NRAP: variants seen among roughly 807,000 people sequenced by gnomAD.
The protein encoded by NRAP is nebulin-related-anchoring protein.
A neutral mutation model predicts 225.9 loss-of-function variants in NRAP; 189 were observed. That is an observed-to-expected ratio of 0.84 (90% confidence interval 0.74 to 0.94). NRAP has a LOEUF of 0.94. NRAP is among the 40% of genes least tolerant of loss of function. The pLI is 0.00. For synonymous variants in NRAP, 769 were observed against 790.7 expected (o/e 0.97, Z 0.46); for missense variants, 2,176 against 2,168.7 (o/e 1.00, Z -0.07).
In NRAP at chr10:113,598,081, G is replaced by A; in HGVS notation, c.4228-8C>T. The stretch of plus-strand genomic sequence containing the variant: ...GTCTGACTTGTAGCGCAACTGCAGG[G>A]AAAAAAATCATGGGCTTTATCAGGA... On this transcript the variant is annotated splice_region_variant and splice_polypyrimidine_tract_variant and intron_variant, in intron 35 of 41. Coordinates refer to ENST00000359988, the MANE Select transcript of NRAP (RefSeq NM_198060.4). 6.3e-6 allele frequency: 10 copies of A among 1,593,764 alleles called. No individual in the cohort carries two copies. The highest frequency in any genetic ancestry group is 8.6e-6 in the Non-Finnish European group (10 of 1,161,920).
chr10:113,614,359 G>T, intron 28 of NRAP, 63 bp from the exon 29 acceptor site: 1 of 1,122,958 alleles, frequency 8.9e-7, no homozygotes, highest in Non-Finnish European at 1.4e-6. Context: ...AATGGAAGAG[G>T]TGGGCATTGG....
At chr10:113,623,692 T>A in intron 22 of NRAP, 56 bp from the exon 23 acceptor site, 1 of 1,103,868 alleles carries the variant, frequency 9.1e-7, no homozygotes, top group South Asian at 1.3e-5. Context: ...GGTTCTCACG[T>A]GAGAGCATTT....
Position 113,610,369 on chromosome 10 carries a change from AAAAAG to A in NRAP, c.3603+85_3603+89del. On this transcript the variant is annotated intron_variant, in intron 31 of 41. Coordinates refer to ENST00000359988, the MANE Select transcript of NRAP (RefSeq NM_198060.4). The stretch of plus-strand genomic sequence containing the variant: ...CATCTCAAATTAAAAAAAAAAAAAA[AAAAAG>A]GAAGAAAGAAAAAGGAAAGAAACAA... 3 of 692,734 alleles carry A rather than the reference AAAAAG, an allele frequency of 4.3e-6. No individual in the cohort carries two copies. The South Asian group carries it at 5.4e-5, about 12-fold the overall frequency. 42.9% of individuals were successfully genotyped at this position (692,734 alleles called of 1,614,324 possible). A position where few individuals can be genotyped will look rare whatever the true frequency, so the allele number is the denominator to read the frequency against.
At chr10:113,595,226 C>T (rs1287721497) in intron 38 of NRAP, among the ~76,000 whole-genome samples, 4 of 152,172 alleles carry the variant, frequency 2.6e-5, no homozygotes, top group Non-Finnish European at 5.9e-5. Flanking sequence ...GATAGAGCCA[C>T]TCTATCTCCA....
In NRAP at chr10:113,622,153, A is replaced by T; in HGVS notation, c.2485T>A (p.Ser829Thr). The T allele has an allele frequency of 1.2e-6, 2 of 1,613,538 alleles. No individual in the cohort carries two copies. Among genetic ancestry groups the T allele is most frequent in the South Asian group, 2.2e-5 (2 of 91,072 alleles). The change falls in exon 24 of 42, where the codon TCC (serine) becomes ACC (threonine). Residue 829 changes from serine to threonine, a missense_variant. By Grantham distance (58) the Ser-to-Thr change is moderately conservative. Coordinates refer to ENST00000359988, the MANE Select transcript of NRAP (RefSeq NM_198060.4). ...EVKYKEDYER[S>T]RGKLIGAKDV... ...TTTGCCCCAATGAGCTTCCCTCTGG[A>T]TCTCTCATAATCCTCCTTGTACTTC...
intron 37 of NRAP, 121 bp from the exon 38 acceptor site, chr10:113,595,848 C>T (rs1846259676): frequency 1.2e-5 from 7 of 603,504 alleles, no homozygotes; most frequent in Non-Finnish European, 2.1e-5. Context: ...GAACAGAACC[C>T]AGTCCTGCCC....
At chr10:113,660,108 C>T (rs1260477036) in intron 3 of NRAP, among the ~76,000 whole-genome samples, 1 of 150,666 alleles carries the variant, frequency 6.6e-6, no homozygotes. Context: ...TATATACATA[C>T]ATACATACAT....
intron 14 of NRAP, 100 bp from the exon 15 acceptor site, chr10:113,634,310 C>A: frequency 1.2e-6 from 1 of 809,760 alleles, no homozygotes; most frequent in Non-Finnish European, 2.1e-6. Context: ...TCTCAAATGG[C>A]TACGTAGAAA....
intron 4 of NRAP, among the ~76,000 whole-genome samples, chr10:113,656,381 G>A (rs1414198046): frequency 1.3e-5 from 2 of 152,162 alleles, no homozygotes; most frequent in Admixed American, 6.5e-5. Context: ...ACTGATTGAT[G>A]TCTCATGTCT....
chr10:113,620,947 G>T (rs1847952697), intron 24 of NRAP, among the ~76,000 whole-genome samples: 1 of 152,192 alleles, frequency 6.6e-6, no homozygotes, highest in Admixed American at 6.5e-5. Context: ...ACTATTGGGG[G>T]TGACGCAGGA....
At chr10:113,655,180 GT>G (rs1288513513) in intron 4 of NRAP, among the ~76,000 whole-genome samples, 1 of 152,194 alleles carries the variant, frequency 6.6e-6, no homozygotes, top group Non-Finnish European at 1.5e-5. Context: ...CCAAGTGATG[GT>G]TAGAATGTTG....
chr10:113,589,438 A>G (rs769110224), intron 41 of NRAP: 4 of 605,422 alleles, frequency 6.6e-6, no homozygotes, highest in Non-Finnish European at 1.1e-5. Flanking sequence ...TTGCCTCTGC[A>G]GAACTAATGG....
chr10:113,623,167 C>T (rs1387908683), intron 23 of NRAP, among the ~76,000 whole-genome samples: 1 of 152,190 alleles, frequency 6.6e-6, no homozygotes, highest in South Asian at 2.1e-4. Context: ...GGATTTTATA[C>T]AAGGTCTATC....
At chr10:113,607,599 C>G (rs886842258) in intron 32 of NRAP, among the ~76,000 whole-genome samples, 6 of 152,090 alleles carry the variant, frequency 3.9e-5, no homozygotes, top group African/African-American at 1.4e-4. Flanking sequence ...TACTATCACT[C>G]TAAAAGATCA....
chr10:113,657,707 A>T (rs1315820549), intron 3 of NRAP, 133 bp from the exon 4 acceptor site: 3 of 660,356 alleles, frequency 4.5e-6, no homozygotes, highest in Admixed American at 5.0e-5. Flanking sequence ...GCTGCAAGGC[A>T]CACTGTGCTG....
intron 17 of NRAP, 76 bp downstream of exon 17, chr10:113,631,780 AT>A (rs1238478633): frequency 1.2e-5 from 12 of 995,352 alleles, no homozygotes; most frequent in Middle Eastern, 2.1e-4. Flanking sequence ...AAGAGTCATT[AT>A]TTTTTTCAGC....
intron 30 of NRAP, among the ~76,000 whole-genome samples, chr10:113,611,617 C>T (rs1378303664): frequency 6.6e-6 from 1 of 152,124 alleles, no homozygotes; most frequent in Admixed American, 6.5e-5. Context: ...AAAGACTCCT[C>T]AAAGGGACCC....
intron 34 of NRAP, among the ~76,000 whole-genome samples, chr10:113,605,202 G>T (rs1198482398): frequency 6.6e-6 from 1 of 152,234 alleles, no homozygotes; most frequent in Admixed American, 6.5e-5. Context: ...AGAGAAACTT[G>T]TGCTTTATCC....
In NRAP at chr10:113,604,635, T is replaced by TCA; in HGVS notation, c.4200_4201insTG (p.Lys1401Ter). The stretch of plus-strand genomic sequence containing the variant: ...TCACTCTGCAGGGCATGGGCTTTCT[T>TCA]GGCCCAGGCCATCTTCAGGTCCTCG... On this transcript the variant is annotated frameshift_variant, in exon 35 of 42. Coordinates refer to ENST00000359988, the MANE Select transcript of NRAP (RefSeq NM_198060.4). LOFTEE classifies it high-confidence loss of function. 1 of 1,613,918 alleles carries TCA rather than the reference T, an allele frequency of 6.2e-7. No individual in the cohort carries two copies.
Sources: allele counts gnomAD v4.1 joint callset (sites outside exome capture counted in the v4.1 genomes callset), GRCh38; gene constraint gnomAD v4.1.1; transcripts MANE v1.5; gene names NCBI Gene and HGNC (gene_info 2026-07-23, HGNC 2026-07-21).